The following SUGT1 variants were observed in gnomAD, a reference collection of about 807,000 sequenced individuals.
SUGT1 encodes SGT1 assembly cochaperone of MIS12 kinetochore complex, also known as protein SGT1 homolog.
In SUGT1, 15 loss-of-function variants were observed where a neutral mutation model predicts 56.1. The observed-to-expected ratio is 0.27, with a 90% confidence interval of 0.18 to 0.41. The LOEUF (loss-of-function observed/expected upper bound fraction) is 0.41, where lower values mean the gene tolerates loss of function less well. Among genes scored for constraint, SUGT1 ranks in the 10% least tolerant of loss-of-function variants. The pLI is 1.00. For missense variants in SUGT1, 347 were observed against 382.2 expected (o/e 0.91, Z 0.77); for synonymous variants, 123 against 128.6 (o/e 0.96, Z 0.30).
chr13:52,653,042 ACAGGTTTTTC>A lies in SUGT1; in HGVS notation c.39_48del (p.Phe14AlafsTer6). On this transcript the variant is annotated splice_acceptor_variant and splice_polypyrimidine_tract_variant and coding_sequence_variant and intron_variant, in exon 2 of 13. Transcript: ENST00000310528. LOFTEE classifies it high-confidence loss of function. Reference sequence around the variant, plus strand: ...CCCTGCTGAAGTCGTTGTTTTCCTGACAGGTTTTTCCAGAGCTTCTCGGATGCCCTAATCG... The same window carrying A: ...CCCTGCTGAAGTCGTTGTTTTCCTGACAGAGCTTCTCGGATGCCCTAATCG... 2.5e-6 allele frequency: 4 copies of A among 1,613,954 alleles called. No homozygotes were observed. The highest frequency in any genetic ancestry group is 3.4e-6 in the Non-Finnish European group (4 of 1,179,952).
chr13:52,675,656 G>C (rs1349637613), intron 10 of SUGT1, among the ~76,000 whole-genome samples: 1 of 152,342 alleles, frequency 6.6e-6, no homozygotes, highest in Admixed American at 6.5e-5. Context: ...TTTGTTGAAT[G>C]AAAGATTGCC....
At chr13:52,685,919 G>A (rs1467759251) in intron 12 of SUGT1, among the ~76,000 whole-genome samples, 1 of 152,056 alleles carries the variant, frequency 6.6e-6, no homozygotes, top group Non-Finnish European at 1.5e-5. Context: ...GGTCCTCTTG[G>A]GGTAGTTTGT....
At position 52,657,533 on chromosome 13, in the gene SUGT1, A is replaced by G. The variant is rs1416046673; in HGVS notation, c.98A>G (p.Glu33Gly). The change falls in exon 3 of 13, where the codon GAG becomes GGG. Residue 33 changes from glutamate (E) to glycine (G), a missense_variant and splice_region_variant. Glu to Gly is a moderately conservative substitution (Grantham distance 98). Transcript: ENST00000310528. ...IDEDPQAALE[E>G]LTKALEQKPD... The stretch of plus-strand genomic sequence containing the variant: ...CGCTCCACATGTTTGTTTTTGTAGG[A>G]GCTGACTAAGGCTTTGGAACAGAAA... 6.2e-7 allele frequency: 1 copy of G among 1,613,010 alleles called. No homozygotes were observed. Among genetic ancestry groups the G allele is most frequent in the Non-Finnish European group, 8.5e-7 (1 of 1,179,606 alleles).
intron 10 of SUGT1, among the ~76,000 whole-genome samples, chr13:52,670,892 C>T (rs970463704): frequency 3.3e-5 from 5 of 152,136 alleles, no homozygotes; most frequent in African/African-American, 1.2e-4. Flanking sequence ...ATTCTTAAGT[C>T]ATAGTTAAGT....
chr13:52,685,970 C>T (rs1391505446), intron 12 of SUGT1, among the ~76,000 whole-genome samples: 1 of 152,186 alleles, frequency 6.6e-6, no homozygotes, highest in Non-Finnish European at 1.5e-5. Context: ...CTCTGTCACT[C>T]AGGCTGGAAT....
chr13:52,661,132 A>C (rs1034535625), intron 5 of SUGT1, among the ~76,000 whole-genome samples: 2 of 152,080 alleles, frequency 1.3e-5, no homozygotes, highest in Admixed American at 6.6e-5. Context: ...TTTCTTGAGT[A>C]ATATCTTAAT....
chr13:52,660,612 G>A (rs1962398938), intron 5 of SUGT1, among the ~76,000 whole-genome samples: 1 of 152,116 alleles, frequency 6.6e-6, no homozygotes, highest in African/African-American at 2.4e-5. Flanking sequence ...AATTAAAAAA[G>A]GAGAGGTCTG....
chr13:52,659,789 A>AATATATATATATATATATAT lies in SUGT1; in HGVS notation c.328+547_328+566dup, dbSNP rs1213211180. Among the ~76,000 whole-genome samples, 15 of 48,954 alleles carry AATATATATATATATATATAT rather than the reference A, an allele frequency of 3.1e-4. 1 individual carries two copies. Among genetic ancestry groups the AATATATATATATATATATAT allele is most frequent in the African/African-American group, 6.1e-4 (9 of 14,846 alleles). 32.1% of individuals were successfully genotyped at this position (48,954 alleles called of 152,430 possible). Reference sequence around the variant, plus strand: ...ACATATAGAAATTGTGAGAGTCAAGAATATATATATATATATATATATATA... The same window carrying AATATATATATATATATATAT: ...ACATATAGAAATTGTGAGAGTCAAGAATATATATATATATATATATATATATATATATATATATATATATA... On this transcript the variant is annotated intron_variant, in intron 5 of 12. Transcript: ENST00000310528.
chr13:52,679,765 A>G (rs1309022715), intron 11 of SUGT1, among the ~76,000 whole-genome samples: 2 of 152,218 alleles, frequency 1.3e-5, no homozygotes, highest in African/African-American at 4.8e-5. Context: ...AGAAATCCCC[A>G]GATTTTACAT....
chr13:52,670,698 C>G (rs1020646166), intron 10 of SUGT1, among the ~76,000 whole-genome samples: 6 of 152,100 alleles, frequency 3.9e-5, no homozygotes, highest in African/African-American at 1.4e-4. Context: ...GTCCCAGCTA[C>G]TCGGGAGACT....
chr13:52,675,266 A>T (rs1396579513), intron 10 of SUGT1, among the ~76,000 whole-genome samples: 1 of 152,198 alleles, frequency 6.6e-6, no homozygotes, highest in African/African-American at 2.4e-5. Context: ...ATGGTCGAGG[A>T]TGTGTCTTTA....
intron 10 of SUGT1, among the ~76,000 whole-genome samples, chr13:52,672,246 T>A (rs1962974349): frequency 6.6e-6 from 1 of 152,184 alleles, no homozygotes; most frequent in Admixed American, 6.5e-5. Flanking sequence ...TATTTCCTGA[T>A]ACATAGGTCA....
chr13:52,653,014 G>C, intron 1 of SUGT1, 32 bp from the exon 2 acceptor site: 1 of 1,614,130 alleles, frequency 6.2e-7, no homozygotes, highest in South Asian at 1.1e-5. Flanking sequence ...CTTGGCTAGT[G>C]AGCCCTGCTG....
At chr13:52,683,176 C>T (rs577999018) in intron 12 of SUGT1, among the ~76,000 whole-genome samples, 1 of 152,234 alleles carries the variant, frequency 6.6e-6, no homozygotes, top group East Asian at 1.9e-4. Flanking sequence ...ACATCCTTGC[C>T]TTGTTTCCCA....
intron 12 of SUGT1, chr13:52,687,468 C>T: frequency 4.7e-6 from 1 of 212,702 alleles, no homozygotes; most frequent in Non-Finnish European, 9.2e-6. Flanking sequence ...AGTGCACCTC[C>T]CTGACTACTT....
intron 3 of SUGT1, chr13:52,657,966 A>G (rs1041511395): frequency 6.9e-6 from 4 of 575,938 alleles, no homozygotes; most frequent in Non-Finnish European, 9.9e-6. Flanking sequence ...TCACGCCTGT[A>G]ATCCCAACAC....
rs373532964 is a variant in SUGT1 at position 52,653,046 on chromosome 13, G to A, written c.39G>A (p.Arg13=). Residue 13 remains arginine (R), a splice_region_variant and synonymous_variant, in exon 2 of 13, where the codon AGG becomes AGA. Transcript: ENST00000310528. ...GCTGAAGTCGTTGTTTTCCTGACAG[G>A]TTTTTCCAGAGCTTCTCGGATGCCC... ...AAAAGTATSQ[R]FFQSFSDALI... is the part of the protein sequence containing the mutation. 160 of 1,614,018 alleles carry A rather than the reference G, an allele frequency of 9.9e-5. No individual in the cohort carries two copies. The Admixed American group carries it at 1.8e-3, about 18-fold the overall frequency.
intron 2 of SUGT1, among the ~76,000 whole-genome samples, chr13:52,654,131 GT>G (rs1424331766): frequency 1.3e-5 from 2 of 152,196 alleles, no homozygotes; most frequent in Admixed American, 6.5e-5. Context: ...ATTAAGAGAG[GT>G]TGGACAGGAA....
intron 10 of SUGT1, among the ~76,000 whole-genome samples, chr13:52,674,086 G>A (rs972730877): frequency 1.8e-5 from 2 of 111,086 alleles, no homozygotes; most frequent in Admixed American, 1.3e-4. Flanking sequence ...ACAGAGTCTC[G>A]CTCTGTTGCC....
Sources: gnomAD v4.1 joint callset for allele counts (sites outside exome capture counted in the v4.1 genomes callset) on GRCh38, gnomAD v4.1.1 for gene constraint, MANE v1.5 for transcripts, NCBI Gene and HGNC (gene_info 2026-07-23, HGNC 2026-07-21) for gene names.